SCARA3: variants seen among roughly 807,000 people sequenced by gnomAD.
SCARA3 encodes scavenger receptor class A member 3.
In SCARA3, 39 loss-of-function variants were observed where a neutral mutation model predicts 47.0. The observed-to-expected ratio is 0.83, with a 90% confidence interval of 0.64 to 1.08. The LOEUF is 1.08. SCARA3 is among the 50% of genes least tolerant of loss of function. The probability of loss-of-function intolerance (pLI) is 0.00; values close to 1 mark genes in which losing one functional copy is unlikely to be tolerated. For missense variants in SCARA3, 724 were observed against 792.3 expected (o/e 0.91, Z 1.04); for synonymous variants, 356 against 334.1 (o/e 1.07, Z -0.71).
chr8:27,719,673 C>T, the SCARA3 span, among the ~76,000 whole-genome samples: 1 of 152,192 alleles, frequency 6.6e-6, no homozygotes, highest in African/African-American at 2.4e-5. Context: ...CTAAACAACA[C>T]TGCCTCTGAC....
At chr8:27,707,821 C>CCA in the SCARA3 span, among the ~76,000 whole-genome samples, 8 of 142,474 alleles carry the variant, frequency 5.6e-5, no homozygotes, top group African/African-American at 2.1e-4. Context: ...GAAAAACTTC[C>CCA]AAAAAAAAAA....
chr8:27,648,496 C>T (rs964781165), intron 1 of SCARA3, among the ~76,000 whole-genome samples: 9 of 151,796 alleles, frequency 5.9e-5, no homozygotes, highest in Non-Finnish European at 1.0e-4. Context: ...CCCAGCTACT[C>T]GGGAGGCTGA....
chr8:27,732,153 T>G, the SCARA3 span, among the ~76,000 whole-genome samples: 1 of 152,244 alleles, frequency 6.6e-6, no homozygotes, highest in African/African-American at 2.4e-5. Flanking sequence ...TCAGGCCATT[T>G]GTCTTATATT....
At chr8:27,644,653 G>C (rs1801454330) in intron 1 of SCARA3, among the ~76,000 whole-genome samples, 1 of 146,496 alleles carries the variant, frequency 6.8e-6, no homozygotes, top group Non-Finnish European at 1.5e-5. Flanking sequence ...AGAGAAGAGA[G>C]ACAGAAGGCA....
intron 5 of SCARA3, among the ~76,000 whole-genome samples, chr8:27,668,374 A>G (rs1294271990): frequency 6.7e-6 from 1 of 150,072 alleles, no homozygotes; most frequent in Non-Finnish European, 1.5e-5. Context: ...CCCCGTCTCT[A>G]CTAAAAATAC....
Position 27,634,062 on chromosome 8 carries a change from A to T in SCARA3, c.-139A>T. 3.1e-6 allele frequency: 2 copies of T among 635,924 alleles called. No homozygotes were observed. The highest frequency in any genetic ancestry group is 5.2e-5 in the South Asian group (1 of 19,276). The allele number at this position is 635,924 out of a possible 1,614,324, so 39.4% of individuals were successfully genotyped here. On this transcript the variant is annotated 5_prime_UTR_variant, in exon 1 of 6. Coordinates refer to ENST00000301904, the MANE Select transcript of SCARA3 (RefSeq NM_016240.3). The stretch of plus-strand genomic sequence containing the variant: ...TCCGCAGCCCGCGCGCCGGAGCATG[A>T]GTCCCGGCCGGAGCCCCACGGCCGC...
intron 5 of SCARA3, among the ~76,000 whole-genome samples, chr8:27,663,041 C>T (rs1178368272): frequency 6.6e-6 from 1 of 152,196 alleles, no homozygotes; most frequent in Non-Finnish European, 1.5e-5. Flanking sequence ...ATTTTATTGC[C>T]ACCAGTTTTT....
intron 5 of SCARA3, among the ~76,000 whole-genome samples, chr8:27,669,937 G>A (rs1320823117): frequency 2.0e-5 from 3 of 152,078 alleles, no homozygotes; most frequent in African/African-American, 4.8e-5. Context: ...CCCTTCCCCC[G>A]AGAGGCCCAC....
chr8:27,722,143 T>C, the SCARA3 span, among the ~76,000 whole-genome samples: 1 of 152,200 alleles, frequency 6.6e-6, no homozygotes, highest in South Asian at 2.1e-4. Flanking sequence ...GATGATATGG[T>C]AGCATGACAT....
chr8:27,654,548 C>T lies in SCARA3; in HGVS notation c.227-2234C>T, dbSNP rs537571007. ...CCAAGGTGGAAGGATCACTTGAGCT[C>T]AGGAGTTTGAGGCCAGCCTGGGAAA... On this transcript the variant is annotated intron_variant, in intron 3 of 5. Transcript: ENST00000301904. Among the ~76,000 whole-genome samples the T allele has an allele frequency of 3.3e-5, 5 of 152,064 alleles. No homozygotes were observed. The East Asian group carries it at 7.7e-4, about 24-fold the overall frequency.
intron 1 of SCARA3, among the ~76,000 whole-genome samples, chr8:27,639,814 A>G (rs2128914825): frequency 6.6e-6 from 1 of 152,284 alleles, no homozygotes; most frequent in African/African-American, 2.4e-5. Flanking sequence ...ATGGAAATTG[A>G]GAGGAGAAAG....
chr8:27,680,037 G>C (rs767707654), downstream of SCARA3: 19 of 152,068 alleles, frequency 1.2e-4, no homozygotes, highest in Non-Finnish European at 1.9e-4. Context: ...GAACTGGATA[G>C]TATTGCAAAC....
At chr8:27,693,885 C>T in the SCARA3 span, among the ~76,000 whole-genome samples, 9 of 152,186 alleles carry the variant, frequency 5.9e-5, no homozygotes, top group Admixed American at 5.9e-4. Flanking sequence ...GGAAGCCCCT[C>T]CTTCAAGTTG....
chr8:27,719,876 G>T, the SCARA3 span, among the ~76,000 whole-genome samples: 1 of 152,122 alleles, frequency 6.6e-6, no homozygotes, highest in African/African-American at 2.4e-5. Flanking sequence ...TAGAAAAGAT[G>T]CAGCTCTAGA....
the SCARA3 span, among the ~76,000 whole-genome samples, chr8:27,705,139 CTG>C: frequency 6.6e-6 from 1 of 152,186 alleles, no homozygotes; most frequent in Non-Finnish European, 1.5e-5. Flanking sequence ...CTCTCATAGC[CTG>C]TGTCTCTCTG....
At chr8:27,682,415 G>T in the SCARA3 span, among the ~76,000 whole-genome samples, 1 of 152,010 alleles carries the variant, frequency 6.6e-6, no homozygotes, top group Non-Finnish European at 1.5e-5. Flanking sequence ...TGATAAGCTG[G>T]ATTTTATCCA....
chr8:27,657,761 C>G (rs530908865), intron 4 of SCARA3, among the ~76,000 whole-genome samples: 1 of 151,730 alleles, frequency 6.6e-6, no homozygotes. Context: ...AGGATGGTCT[C>G]GATCTCCTGA....
intron 1 of SCARA3, 152 bp downstream of exon 1, chr8:27,634,359 C>G (rs1801201196): frequency 5.1e-6 from 3 of 587,952 alleles, no homozygotes; most frequent in Non-Finnish European, 7.6e-6. Flanking sequence ...TCCTGCGAGA[C>G]AGGACGGATC....
chr8:27,697,152 T>G, the SCARA3 span: 2,284 of 194,120 alleles, frequency 0.012, 53 homozygotes, highest in African/African-American at 0.05. Context: ...AAAGGCATCC[T>G]TTCTTCCAGT....
Sources: gnomAD v4.1 joint callset for allele counts (sites outside exome capture counted in the v4.1 genomes callset) on GRCh38, gnomAD v4.1.1 for gene constraint, MANE v1.5 for transcripts, NCBI Gene and HGNC (gene_info 2026-07-23, HGNC 2026-07-21) for gene names.